ERBB4: variants seen among roughly 807,000 people sequenced by gnomAD.
The protein encoded by ERBB4 is erb-b2 receptor tyrosine kinase 4.
ERBB4 carries 42 observed loss-of-function variants against 158.0 expected under a neutral mutation model. That is an observed-to-expected ratio of 0.27 (90% CI 0.21 to 0.34). The LOEUF is 0.34. Ranked by LOEUF, ERBB4 falls within the 10% of genes least tolerant of loss-of-function variation. The pLI is 1.00. For missense variants in ERBB4, 1,333 were observed against 1,624.1 expected (o/e 0.82, Z 3.08); for synonymous variants, 583 against 558.7 (o/e 1.04, Z -0.61).
chr2:211,762,349 C>T lies in ERBB4; in HGVS notation c.557-11645G>A, dbSNP rs370628153. On this transcript the variant is annotated intron_variant, in intron 4 of 27. Transcript: ENST00000342788. The stretch of plus-strand genomic sequence containing the variant: ...TTTCAAAGATTTCTGCATCCTTTGA[C>T]AAAGGCGTGAAAAGCCACAGTTTCA... Among the ~76,000 whole-genome samples the T allele has an allele frequency of 5.3e-5, 8 of 152,284 alleles. No homozygotes were observed. In the South Asian group the frequency reaches 1.4e-3, roughly 28 times the overall value.
At chr2:212,311,983 T>G (rs1372925654) in intron 1 of ERBB4, among the ~76,000 whole-genome samples, 3 of 151,004 alleles carry the variant, frequency 2.0e-5, no homozygotes, top group Non-Finnish European at 4.5e-5. Context: ...TTAAAGATTT[T>G]CAATCTAACA....
At chr2:211,525,688 C>A (rs1396264663) in intron 20 of ERBB4, among the ~76,000 whole-genome samples, 5 of 152,104 alleles carry the variant, frequency 3.3e-5, no homozygotes, top group African/African-American at 4.8e-5. Flanking sequence ...CATTTCTGGA[C>A]TTTCCCTGGG....
At chr2:211,895,593 C>G (rs1178395104) in intron 3 of ERBB4, among the ~76,000 whole-genome samples, 1 of 152,086 alleles carries the variant, frequency 6.6e-6, no homozygotes, top group African/African-American at 2.4e-5. Flanking sequence ...TGCTCCCCCT[C>G]TATGGACTCT....
At chr2:212,218,946 G>A (rs2083194854) in intron 1 of ERBB4, among the ~76,000 whole-genome samples, 1 of 151,296 alleles carries the variant, frequency 6.6e-6, no homozygotes, top group African/African-American at 2.4e-5. Context: ...ATCCTTGAAT[G>A]TATATGCCAT....
intron 20 of ERBB4, among the ~76,000 whole-genome samples, chr2:211,536,296 T>C (rs1384827029): frequency 1.3e-5 from 2 of 152,070 alleles, no homozygotes; most frequent in African/African-American, 4.8e-5. Flanking sequence ...TGTCTGAATC[T>C]AAAATGAACT....
Position 211,382,810 on chromosome 2 carries a change from G to T in ERBB4, c.*805C>A. On this transcript the variant is annotated 3_prime_UTR_variant, in exon 28 of 28. Coordinates refer to ENST00000342788, the MANE Select transcript of ERBB4 (RefSeq NM_005235.3). Reference sequence around the variant, plus strand: ...ATTAGCCTCCCTTTCTTATTTTAAAGATTGTATACTTAAAGTAGTGGCCAT... The same window carrying T: ...ATTAGCCTCCCTTTCTTATTTTAAATATTGTATACTTAAAGTAGTGGCCAT... 1 of 232,580 alleles carries T rather than the reference G, an allele frequency of 4.3e-6. No individual in the cohort carries two copies. Among genetic ancestry groups the T allele is most frequent in the Non-Finnish European group, 8.5e-6 (1 of 117,676 alleles). The allele number at this position is 232,580 out of a possible 1,614,324, so 14.4% of individuals were successfully genotyped here.
chr2:212,464,908 A>C lies in ERBB4; in HGVS notation c.82+73541T>G, dbSNP rs570087377. Among the ~76,000 whole-genome samples the C allele has an allele frequency of 2.6e-3, 389 of 151,950 alleles. 1 individual carries two copies. The highest frequency in any genetic ancestry group is 4.5e-3 in the Non-Finnish European group (303 of 67,920). ...AGGGAAACATCACACACACACACAC[A>C]CACACACACACACACACACCCCTTA... On this transcript the variant is annotated intron_variant, in intron 1 of 27. Coordinates refer to ENST00000342788, the MANE Select transcript of ERBB4 (RefSeq NM_005235.3).
chr2:212,084,323 C>G lies in ERBB4; in HGVS notation c.234+40429G>C, dbSNP rs943700925. On this transcript the variant is annotated intron_variant, in intron 2 of 27. Coordinates refer to ENST00000342788, the MANE Select transcript of ERBB4 (RefSeq NM_005235.3). Reference sequence around the variant, plus strand: ...TATGAGAATGAATTAAATGAGCTAACCCATGGAGTGCATCAGACAGCCATG... The same window carrying G: ...TATGAGAATGAATTAAATGAGCTAAGCCATGGAGTGCATCAGACAGCCATG... 4.6e-5 allele frequency among the ~76,000 whole-genome samples: 7 copies of G among 152,024 alleles called. No individual in the cohort carries two copies. In the East Asian group the frequency reaches 1.2e-3, roughly 25 times the overall value.
chr2:212,518,777 A>T (rs974992742), intron 1 of ERBB4, among the ~76,000 whole-genome samples: 1 of 152,028 alleles, frequency 6.6e-6, no homozygotes, highest in African/African-American at 2.4e-5. Flanking sequence ...TGTTGAGATA[A>T]TATCTGCTAA....
chr2:211,569,814 T>C (rs1437716787), intron 19 of ERBB4, among the ~76,000 whole-genome samples: 1 of 152,208 alleles, frequency 6.6e-6, no homozygotes, highest in Non-Finnish European at 1.5e-5. Context: ...CTTGCAGTCA[T>C]AAAGGGTTTA....
chr2:211,386,673 TAATA>T (rs2062690876), intron 27 of ERBB4, among the ~76,000 whole-genome samples, 176 bp downstream of exon 27: 1 of 152,178 alleles, frequency 6.6e-6, no homozygotes, highest in South Asian at 2.1e-4. Context: ...ATATAAATAA[TAATA>T]AATAATGTGG....
intron 25 of ERBB4, among the ~76,000 whole-genome samples, chr2:211,410,382 A>G (rs2063232988): frequency 6.6e-6 from 1 of 152,236 alleles, no homozygotes; most frequent in Non-Finnish European, 1.5e-5. Context: ...TCACATGTGT[A>G]AACATGCATT....
chr2:212,055,087 G>A (rs1384973568), intron 2 of ERBB4, among the ~76,000 whole-genome samples: 3 of 152,086 alleles, frequency 2.0e-5, no homozygotes, highest in South Asian at 2.1e-4. Flanking sequence ...CTGGAAAATC[G>A]GGTCACTCCC....
chr2:212,314,765 CT>C (rs1198117289), intron 1 of ERBB4, among the ~76,000 whole-genome samples: 1 of 151,106 alleles, frequency 6.6e-6, no homozygotes, highest in African/African-American at 2.4e-5. Flanking sequence ...CATCCAGGTC[CT>C]TTAATCCAGA....
intron 20 of ERBB4, among the ~76,000 whole-genome samples, chr2:211,449,403 G>A (rs746152858): frequency 7.9e-5 from 12 of 152,126 alleles, no homozygotes; most frequent in Non-Finnish European, 1.8e-4. Context: ...AAGGCATAGG[G>A]TTTCATTAAA....
At chr2:212,478,387 T>C (rs758961837) in intron 1 of ERBB4, among the ~76,000 whole-genome samples, 2 of 151,996 alleles carry the variant, frequency 1.3e-5, no homozygotes, top group African/African-American at 2.4e-5. Context: ...TTTCAGCTAT[T>C]TGAACTACGA....
At chr2:212,139,486 A>G (rs1359604333) in intron 1 of ERBB4, among the ~76,000 whole-genome samples, 1 of 152,024 alleles carries the variant, frequency 6.6e-6, no homozygotes, top group Non-Finnish European at 1.5e-5. Context: ...CTCATATCAC[A>G]CTAACAATAA....
intron 2 of ERBB4, among the ~76,000 whole-genome samples, chr2:212,037,556 G>A (rs968857315): frequency 1.3e-5 from 2 of 152,180 alleles, no homozygotes; most frequent in African/African-American, 4.8e-5. Flanking sequence ...CGTTCCTTAT[G>A]TAAGTTAAAG....
intron 3 of ERBB4, among the ~76,000 whole-genome samples, chr2:211,928,795 TA>T (rs1229017170): frequency 6.6e-6 from 1 of 151,982 alleles, no homozygotes; most frequent in Non-Finnish European, 1.5e-5. Context: ...TTGTCAGGTT[TA>T]AAATTTCAAA....
Sources: gnomAD v4.1 joint callset for allele counts (sites outside exome capture counted in the v4.1 genomes callset) on GRCh38, gnomAD v4.1.1 for gene constraint, MANE v1.5 for transcripts, NCBI Gene and HGNC (gene_info 2026-07-23, HGNC 2026-07-21) for gene names.